PRDM9: variants seen among roughly 807,000 people sequenced by gnomAD.
PRDM9 encodes histone-lysine N-methyltransferase PRDM9.
A neutral mutation model predicts 55.6 loss-of-function variants in PRDM9; 47 were observed. That is an observed-to-expected ratio of 0.85 (90% CI 0.67 to 1.08). PRDM9 has a LOEUF of 1.08. Among genes scored for constraint, PRDM9 ranks in the 50% least tolerant of loss-of-function variants. PRDM9 has a pLI of 0.00. For synonymous variants in PRDM9, 312 were observed against 375.7 expected (o/e 0.83, Z 1.96); for missense variants, 867 against 1,040.3 (o/e 0.83, Z 2.29).
intron 4 of PRDM9, among the ~76,000 whole-genome samples, chr5:23,512,122 T>A (rs540523008): frequency 6.6e-6 from 1 of 152,262 alleles, no homozygotes; most frequent in African/African-American, 2.4e-5. Flanking sequence ...GAAGAAATAA[T>A]ATTAAGTAAA....
At chr5:23,518,219 A>G (rs1190634486) in intron 5 of PRDM9, among the ~76,000 whole-genome samples, 3 of 152,228 alleles carry the variant, frequency 2.0e-5, no homozygotes, top group Admixed American at 1.3e-4. Context: ...TATTAAGTAG[A>G]TGTTGTAACT....
rs1335235909 is a variant in PRDM9, at chr5:23,526,300, T to C, written c.1212T>C (p.Ser404=). The part of the protein sequence containing the change: ...CLAFSSQKFL[S]QHVERNHSSQ... ...CCTTTTCAAGTCAGAAATTTCTCAGTCAACATGTAGAACGCAATCACTCCT... is the reference window on the plus strand; with the variant it reads ...CCTTTTCAAGTCAGAAATTTCTCAGCCAACATGTAGAACGCAATCACTCCT... The change falls in exon 11 of 11, where the codon AGT becomes AGC. Residue 404 remains serine (S), a synonymous_variant. Coordinates refer to ENST00000296682, the MANE Select transcript of PRDM9 (RefSeq NM_020227.4). The C allele has an allele frequency of 6.2e-7, 1 of 1,614,080 alleles. No homozygotes were observed.
rs769317206 is a variant in PRDM9 at position 23,527,637 on chromosome 5, A to C, written c.2549A>C (p.His850Pro). The C allele has an allele frequency of 8.9e-5, 135 of 1,517,386 alleles. No individual in the cohort carries two copies. Among genetic ancestry groups the C allele is most frequent in the Non-Finnish European group, 1.1e-4 (129 of 1,124,554 alleles). The allele number at this position is 1,517,386 out of a possible 1,614,324, so 94.0% of individuals were successfully genotyped here. ...GFRNKSHLLR[H>P]QRTHTGEKPY... is the part of the protein sequence containing the mutation. ...CGCAATAAGTCACACCTCCTCAGAC[A>C]CCAGAGGACACACACAGGGGAGAAG... Residue 850 changes from histidine to proline, a missense_variant, in exon 11 of 11, where the codon CAC becomes CCC. His to Pro is a moderately conservative substitution (Grantham distance 77). Around this residue, in one of 5 missense-constraint regions of PRDM9, gnomAD observed 86 missense variants for 73.6 expected, o/e 1.17. Coordinates refer to ENST00000296682, the MANE Select transcript of PRDM9 (RefSeq NM_020227.4).
At chr5:23,522,477 A>C in intron 7 of PRDM9, 72 bp downstream of exon 7, 1 of 1,586,190 alleles carries the variant, frequency 6.3e-7, no homozygotes. Context: ...CATTTGGCCC[A>C]CAAATCATTC....
chr5:23,519,168 TC>T (rs1252737627), intron 5 of PRDM9, among the ~76,000 whole-genome samples: 4 of 152,156 alleles, frequency 2.6e-5, no homozygotes, highest in Non-Finnish European at 5.9e-5. Flanking sequence ...AGTGCGATCC[TC>T]CTGCCTCAGC....
At position 23,509,077 on chromosome 5, in the gene PRDM9, C is replaced by T. The variant is rs771705054; in HGVS notation, c.44C>T (p.Thr15Ile). 3.7e-6 allele frequency: 6 copies of T among 1,614,084 alleles called. No homozygotes were observed. In the South Asian group the frequency reaches 6.6e-5, roughly 18 times the overall value. Residue 15 changes from threonine to isoleucine, a missense_variant, in exon 2 of 11, where the codon ACA (threonine) becomes ATA (isoleucine). Physicochemically the swap from Thr to Ile is moderately conservative, Grantham distance 89. Coordinates refer to ENST00000296682, the MANE Select transcript of PRDM9 (RefSeq NM_020227.4). ...KSQEESPEED[T>I]ERTERKPMVK... ...CAAGAGGAGAGCCCAGAAGAAGACACAGAGAGAACAGAGCGGAAGCCCATG... is the reference window on the plus strand; with the variant it reads ...CAAGAGGAGAGCCCAGAAGAAGACATAGAGAGAACAGAGCGGAAGCCCATG...
At chr5:23,510,148 A>G in intron 4 of PRDM9, 121 bp downstream of exon 4, 4 of 975,886 alleles carry the variant, frequency 4.1e-6, no homozygotes, top group Non-Finnish European at 6.1e-6. Flanking sequence ...TCCACCTCCC[A>G]GGTTCAAGCG....
Position 23,514,869 on chromosome 5 carries a change from G to T in PRDM9, c.302-3012G>T, listed in dbSNP as rs551413475. The stretch of plus-strand genomic sequence containing the variant: ...TAAATATGCTTCAGCATATGAATTT[G>T]GGGGAAACAAAATTCAGTCCATACC... On this transcript the variant is annotated intron_variant, in intron 4 of 10. Coordinates refer to ENST00000296682, the MANE Select transcript of PRDM9 (RefSeq NM_020227.4). Among the ~76,000 whole-genome samples, 7 of 152,114 alleles carry T rather than the reference G, an allele frequency of 4.6e-5. No individual in the cohort carries two copies. In the South Asian group the frequency reaches 1.5e-3, roughly 32 times the overall value.
chr5:23,523,932 G>A (rs548086268), intron 9 of PRDM9, among the ~76,000 whole-genome samples: 1 of 152,200 alleles, frequency 6.6e-6, no homozygotes, highest in Admixed American at 6.5e-5. Context: ...GACTTGGGCT[G>A]AGTGTAGAAT....
intron 4 of PRDM9, among the ~76,000 whole-genome samples, chr5:23,517,344 T>C (rs1462081160): frequency 1.3e-5 from 2 of 152,150 alleles, no homozygotes; most frequent in Admixed American, 6.5e-5. Context: ...TGAAGTTTTA[T>C]CTATTTTTTT....
Position 23,526,936 on chromosome 5 carries a change from C to T in PRDM9, c.1848C>T (p.Gly616=), listed in dbSNP as rs545024531. 47 of 1,593,936 alleles carry T rather than the reference C, an allele frequency of 2.9e-5. No homozygotes were observed. In the Admixed American group the frequency reaches 5.3e-4, roughly 18 times the overall value. ...KPYVCRECGR[G]FSRQSVLLTH... ...ATGTCTGCAGGGAGTGTGGGCGGGGCTTTAGCCGGCAGTCAGTCCTCCTCA... is the reference window on the plus strand; with the variant it reads ...ATGTCTGCAGGGAGTGTGGGCGGGGTTTTAGCCGGCAGTCAGTCCTCCTCA... Residue 616 remains glycine (G), a synonymous_variant, in exon 11 of 11, where the codon GGC becomes GGT. Coordinates refer to ENST00000296682, the MANE Select transcript of PRDM9 (RefSeq NM_020227.4).
Position 23,522,390 on chromosome 5 carries a change from G to A in PRDM9, c.595G>A (p.Asp199Asn), listed in dbSNP as rs758331193. ...ATACAAAGAGGTCAGCGAGCCGCAG[G>A]ATGATGATTACCTCTGTAAGTGACA... ...HAYKEVSEPQDDDYLYCEMCQ... is the reference protein window; with the variant it reads ...HAYKEVSEPQNDDYLYCEMCQ... The change falls in exon 7 of 11, where the codon GAT (aspartate) becomes AAT (asparagine). Residue 199 changes from aspartate (D) to asparagine (N), a missense_variant. Transcript: ENST00000296682. The A allele has an allele frequency of 1.2e-6, 2 of 1,613,824 alleles. No homozygotes were observed. Among genetic ancestry groups the A allele is most frequent in the Non-Finnish European group, 1.7e-6 (2 of 1,179,752 alleles).
chr5:23,509,203 G>A, intron 2 of PRDM9, 101 bp downstream of exon 2: 1 of 1,504,792 alleles, frequency 6.6e-7, no homozygotes, highest in Middle Eastern at 1.7e-4. Context: ...ATCTGAATGT[G>A]CATGGAATGG....
At chr5:23,510,983 T>C (rs1739083709) in intron 4 of PRDM9, among the ~76,000 whole-genome samples, 1 of 147,368 alleles carries the variant, frequency 6.8e-6, no homozygotes, top group Admixed American at 6.8e-5. Context: ...CCGTCTCCAC[T>C]AAAAATTAAA....
chr5:23,510,020 G>A lies in PRDM9; in HGVS notation c.294G>A (p.Arg98=). The change falls in exon 4 of 11, where the codon AGG becomes AGA. Residue 98 remains arginine (R), a synonymous_variant. Coordinates refer to ENST00000296682, the MANE Select transcript of PRDM9 (RefSeq NM_020227.4). ...ATTCTGATGAAGAATGGACCCCTAG[G>A]CAGCAAGGTAAGAGGGAAGGGAAGT... ...TEDSDEEWTP[R]QQVKPPWMAL... is the part of the protein sequence containing the mutation. 1 of 1,610,212 alleles carries A rather than the reference G, an allele frequency of 6.2e-7. No homozygotes were observed. Among genetic ancestry groups the A allele is most frequent in the South Asian group, 1.1e-5 (1 of 91,006 alleles).
At position 23,522,216 on chromosome 5, in the gene PRDM9, A is replaced by T. The variant is rs575379740; in HGVS notation, c.509-88A>T. 437 of 1,178,982 alleles carry T rather than the reference A, an allele frequency of 3.7e-4. 9 individuals are homozygous for T. The South Asian group carries it at 5.0e-3, about 14-fold the overall frequency. The allele number at this position is 1,178,982 out of a possible 1,614,324, so 73.0% of individuals were successfully genotyped here. ...AGAGTATGTAGAAAGGTAGATGCCAATTTGATGGTAGATTTCACATTTTCT... is the reference window on the plus strand; with the variant it reads ...AGAGTATGTAGAAAGGTAGATGCCATTTTGATGGTAGATTTCACATTTTCT... On this transcript the variant is annotated intron_variant, in intron 6 of 10. Coordinates refer to ENST00000296682, the MANE Select transcript of PRDM9 (RefSeq NM_020227.4).
At chr5:23,524,163 A>AT (rs1739386359) in intron 9 of PRDM9, among the ~76,000 whole-genome samples, 171 bp from the exon 10 acceptor site, 1 of 152,192 alleles carries the variant, frequency 6.6e-6, no homozygotes, top group African/African-American at 2.4e-5. Flanking sequence ...GCAAGTTCAT[A>AT]TGACATTGTG....
chr5:23,522,487 C>T lies in PRDM9; in HGVS notation c.610+82C>T, dbSNP rs1739347445. On this transcript the variant is annotated intron_variant, in intron 7 of 10. Coordinates refer to ENST00000296682, the MANE Select transcript of PRDM9 (RefSeq NM_020227.4). ...TTCATCATTTGGCCCACAAATCATT[C>T]CCTTACTCTAATGAATTAGAGTACA... The T allele has an allele frequency of 2.9e-5, 46 of 1,584,786 alleles. No individual in the cohort carries two copies. In the South Asian group the frequency reaches 3.7e-4, roughly 13 times the overall value.
Position 23,517,932 on chromosome 5 carries a change from T to TA in PRDM9, c.351+4dup. On this transcript the variant is annotated splice_region_variant and intron_variant, in intron 5 of 10. Coordinates refer to ENST00000296682, the MANE Select transcript of PRDM9 (RefSeq NM_020227.4). ...GTGGAACAGCGTAAACACCAGAAGG[T>TA]AAGTATTTCCCAAATCCTATTGACA... 1 of 1,591,506 alleles carries TA rather than the reference T, an allele frequency of 6.3e-7. No homozygotes were observed. The highest frequency in any genetic ancestry group is 8.6e-7 in the Non-Finnish European group (1 of 1,159,450).
Sources: gnomAD v4.1 joint callset for allele counts (sites outside exome capture counted in the v4.1 genomes callset) on GRCh38, gnomAD v4.1.1 for gene constraint, gnomAD v4.1.1 regional missense constraint, MANE v1.5 for transcripts, NCBI Gene and HGNC (gene_info 2026-07-23, HGNC 2026-07-21) for gene names.